ZXDC: variants seen among roughly 807,000 people sequenced by gnomAD.
ZXDC encodes zinc finger protein ZXDC.
ZXDC carries 58 observed loss-of-function variants against 63.6 expected under a neutral mutation model. The observed-to-expected ratio is 0.91, with a 90% CI of 0.74 to 1.13. The LOEUF is 1.13. Ranked by LOEUF, ZXDC falls within the 50% of genes most tolerant of loss-of-function variation. The pLI, the probability that ZXDC is intolerant of heterozygous loss-of-function variation, is 0.00. For synonymous variants in ZXDC, 561 were observed against 496.1 expected, an observed-to-expected ratio of 1.13 and a Z score of -1.74; for missense variants, 1,133 against 1,148.9, an observed-to-expected ratio of 0.99 and a Z score of 0.20.
chr3:126,475,361 C>A lies in ZXDC; in HGVS notation c.505G>T (p.Gly169Cys). ...CAGCGGTAGCCGGGCGTGCTGGGGC[C>A]GGAGGCCTGGGGCGCGCGGCGGGGA... ...AAPRRAPQAS[G>C]PSTPGYRCPE... The change falls in exon 1 of 10, where the codon GGC becomes TGC. Residue 169 changes from glycine to cysteine, a missense_variant. Transcript: ENST00000389709. 6.8e-7 allele frequency: 1 copy of A among 1,477,020 alleles called. No individual in the cohort carries two copies. The highest frequency in any genetic ancestry group is 2.4e-5 in the Admixed American group (1 of 41,242). 91.5% of individuals were successfully genotyped at this position (1,477,020 alleles called of 1,614,324 possible).
Position 126,475,019 on chromosome 3 carries a change from G to A in ZXDC, c.847C>T (p.Leu283Phe), listed in dbSNP as rs770173331. The A allele has an allele frequency of 6.9e-6, 11 of 1,597,860 alleles. No individual in the cohort carries two copies. In the South Asian group the frequency reaches 1.2e-4, roughly 18 times the overall value. ...AAGTGGCTGCGCTGGTGGGAGCTGA[G>A]CTTGGCGTGCGTGGGGAAGCGCTCG... ...CAERFPTHAKLSSHQRSHFEP... is the reference protein window; with the variant it reads ...CAERFPTHAKFSSHQRSHFEP... The change falls in exon 1 of 10, where the codon CTC (leucine) becomes TTC (phenylalanine). Residue 283 changes from leucine (L) to phenylalanine (F), a missense_variant. By Grantham distance (22) the Leu-to-Phe change is conservative. Transcript: ENST00000389709.
rs1007535332 is a variant in ZXDC at position 126,455,949 on chromosome 3, G to A, written c.2212+3704C>T. On this transcript the variant is annotated intron_variant, in intron 7 of 9. Transcript: ENST00000389709. ...TGGGAGGCGGAGCTTGCAGTGAGCC[G>A]AGATCGCGCCACTGCTCTCCAGCCG... is the stretch of plus-strand genomic sequence containing the variant. 4.6e-5 allele frequency among the ~76,000 whole-genome samples: 7 copies of A among 151,772 alleles called. No homozygotes were observed. In the South Asian group the frequency reaches 1.0e-3, roughly 23 times the overall value.
At chr3:126,467,237 G>C (rs117503076) in intron 4 of ZXDC, among the ~76,000 whole-genome samples, 5 of 152,178 alleles carry the variant, frequency 3.3e-5, no homozygotes. Context: ...CCCAGCCAAG[G>C]CATGGGGGCA....
intron 7 of ZXDC, among the ~76,000 whole-genome samples, chr3:126,445,608 G>C (rs1190605311): frequency 6.6e-6 from 1 of 151,718 alleles, no homozygotes; most frequent in African/African-American, 2.4e-5. Flanking sequence ...CAGAAGGACA[G>C]CTGTGGGTGA....
At chr3:126,474,462 C>G (rs1322364530) in intron 1 of ZXDC, among the ~76,000 whole-genome samples, 1 of 152,182 alleles carries the variant, frequency 6.6e-6, no homozygotes, top group African/African-American at 2.4e-5. Context: ...TTTAAAACTT[C>G]ACAAAACTGT....
chr3:126,474,831 A>C, intron 1 of ZXDC, 128 bp downstream of exon 1: 1 of 1,140,740 alleles, frequency 8.8e-7, no homozygotes, highest in Non-Finnish European at 1.2e-6. Flanking sequence ...AGGAGCTAGA[A>C]TACAAATCCC....
chr3:126,447,267 GGAC>G (rs1405971041), intron 7 of ZXDC, among the ~76,000 whole-genome samples: 2 of 152,194 alleles, frequency 1.3e-5, no homozygotes, highest in African/African-American at 4.8e-5. Flanking sequence ...ACCCTACACA[GGAC>G]CTTACCCATT....
intron 7 of ZXDC, chr3:126,453,118 G>C: frequency 1.0e-6 from 1 of 985,360 alleles, no homozygotes; most frequent in South Asian, 4.7e-5. Context: ...CAAAGGGGGA[G>C]AACTGAGGAA....
chr3:126,475,423 G>A lies in ZXDC; in HGVS notation c.443C>T (p.Ser148Phe). The A allele has an allele frequency of 1.7e-6, 2 of 1,184,624 alleles. No individual in the cohort carries two copies. Among genetic ancestry groups the A allele is most frequent in the South Asian group, 4.1e-5 (1 of 24,230 alleles). The allele number at this position is 1,184,624 out of a possible 1,614,324, so 73.4% of individuals were successfully genotyped here. Residue 148 changes from serine to phenylalanine, a missense_variant, in exon 1 of 10, where the codon TCT becomes TTT. Physicochemically the swap from Ser to Phe is radical, Grantham distance 155. Coordinates refer to ENST00000389709, the MANE Select transcript of ZXDC (RefSeq NM_025112.5). Reference protein sequence around the residue: ...VRLDRGVLALSAPPGPATAGA... With the variant: ...VRLDRGVLALFAPPGPATAGA... ...CGCGGTTGCGGGGCCGGGCGGCGCA[G>A]ACAGCGCGAGGACGCCGCGGTCGAG...
rs1007209318 is a variant in ZXDC, at chr3:126,451,702, C to T, written c.2212+7951G>A. The T allele has an allele frequency of 9.1e-6, 9 of 985,394 alleles. No homozygotes were observed. The African/African-American group carries it at 1.2e-4, about 13-fold the overall frequency. 61.0% of individuals were successfully genotyped at this position (985,394 alleles called of 1,614,324 possible). The stretch of plus-strand genomic sequence containing the variant: ...GAGCACCAACCGGCTGTGTCTCGCT[C>T]GTTGCCATCCTCCTCATGACCTTCT... On this transcript the variant is annotated intron_variant, in intron 7 of 9. Coordinates refer to ENST00000389709, the MANE Select transcript of ZXDC (RefSeq NM_025112.5).
intron 7 of ZXDC, among the ~76,000 whole-genome samples, chr3:126,444,101 G>A (rs1329670590): frequency 2.6e-5 from 4 of 152,230 alleles, no homozygotes; most frequent in Admixed American, 6.5e-5. Context: ...TTATTCAAGT[G>A]AGGGGGAACT....
At chr3:126,473,069 T>C (rs62264722) in intron 1 of ZXDC, among the ~76,000 whole-genome samples, 1,890 of 152,286 alleles carry the variant, frequency 0.012, 13 homozygotes, top group East Asian at 0.046. Context: ...CAGATGTACA[T>C]GGCATAGCAC....
At chr3:126,469,064 G>C (rs1199960845) in intron 4 of ZXDC, among the ~76,000 whole-genome samples, 1 of 152,206 alleles carries the variant, frequency 6.6e-6, no homozygotes, top group African/African-American at 2.4e-5. Context: ...AACCCTGGGA[G>C]GTTTTATTCA....
chr3:126,441,545 C>T, intron 8 of ZXDC: 1 of 1,308,960 alleles, frequency 7.6e-7, no homozygotes, highest in African/African-American at 1.5e-5. Context: ...GTCCCAGCAA[C>T]ACTCAGAGCT....
intron 4 of ZXDC, 38 bp downstream of exon 4, chr3:126,470,857 A>G: frequency 6.2e-7 from 1 of 1,607,212 alleles, no homozygotes; most frequent in Non-Finnish European, 8.5e-7. Context: ...TTGGCATTGC[A>G]CTTAGTTTAC....
At position 126,472,135 on chromosome 3, in the gene ZXDC, C is replaced by A. The variant is rs774843723; in HGVS notation, c.1060+18G>T. 5 of 1,608,512 alleles carry A rather than the reference C, an allele frequency of 3.1e-6. No individual in the cohort carries two copies. Among genetic ancestry groups the A allele is most frequent in the Non-Finnish European group, 3.4e-6 (4 of 1,175,678 alleles). ...ACAAATCTTGGGTCCAAATGCTGTGCGTTCCCTAGCTCATTACCTGTATGG... is the reference window on the plus strand; with the variant it reads ...ACAAATCTTGGGTCCAAATGCTGTGAGTTCCCTAGCTCATTACCTGTATGG... On this transcript the variant is annotated intron_variant, in intron 2 of 9. Coordinates refer to ENST00000389709, the MANE Select transcript of ZXDC (RefSeq NM_025112.5).
At chr3:126,447,236 T>C (rs1038490519) in intron 7 of ZXDC, among the ~76,000 whole-genome samples, 4 of 152,236 alleles carry the variant, frequency 2.6e-5, no homozygotes, top group African/African-American at 9.6e-5. Context: ...TGAACAAGAA[T>C]TGGGCATCTC....
At chr3:126,454,671 T>C (rs1934240662) in intron 7 of ZXDC, 1 of 985,342 alleles carries the variant, frequency 1.0e-6, no homozygotes, top group African/African-American at 1.7e-5. Flanking sequence ...TCACAATGTG[T>C]CTTGCTGCTG....
intron 7 of ZXDC, chr3:126,452,124 T>C (rs1039545730): frequency 1.0e-6 from 1 of 985,412 alleles, no homozygotes; most frequent in Non-Finnish European, 1.2e-6. Context: ...CCCAGGTCGG[T>C]GCCCAGTGCG....
Sources: allele counts gnomAD v4.1 joint callset (sites outside exome capture counted in the v4.1 genomes callset), GRCh38; gene constraint gnomAD v4.1.1; transcripts MANE v1.5; gene names NCBI Gene and HGNC (gene_info 2026-07-23, HGNC 2026-07-21).